NAALADL2: variants seen among roughly 807,000 people sequenced by gnomAD.
NAALADL2 encodes N-acetylated alpha-linked acidic dipeptidase like 2, also known as inactive N-acetylated-alpha-linked acidic dipeptidase-like protein 2.
Under a neutral mutation model 87.2 loss-of-function variants are expected in NAALADL2, and 76 were observed. That is an observed-to-expected ratio of 0.87 (90% CI 0.72 to 1.05). The LOEUF is 1.05. NAALADL2 is among the 50% of genes least tolerant of loss of function. NAALADL2 has a pLI of 0.00. For missense variants in NAALADL2, 1,089 were observed against 945.8 expected, an observed-to-expected ratio of 1.15 and a Z score of -1.99; for synonymous variants, 354 against 331.0, an observed-to-expected ratio of 1.07 and a Z score of -0.75.
At chr3:175,652,919 T>C (rs1432540612) in intron 11 of NAALADL2, among the ~76,000 whole-genome samples, 7 of 152,274 alleles carry the variant, frequency 4.6e-5, no homozygotes, top group African/African-American at 1.2e-4. Context: ...AAAACTTAAC[T>C]ACTAATAGCC....
At chr3:175,457,921 T>C (rs940843734) in intron 6 of NAALADL2, among the ~76,000 whole-genome samples, 1 of 152,106 alleles carries the variant, frequency 6.6e-6, no homozygotes, top group Non-Finnish European at 1.5e-5. Context: ...CATGCCAGTA[T>C]TGAGTCATTA....
At chr3:174,930,267 TTA>T (rs1389989354) in intron 1 of NAALADL2, among the ~76,000 whole-genome samples, 1 of 152,140 alleles carries the variant, frequency 6.6e-6, no homozygotes, top group African/African-American at 2.4e-5. Context: ...GGTTTATTTT[TTA>T]TATATATTAT....
At chr3:174,704,603 G>A (rs1208405530) in intron 2 of NAALADL2, among the ~76,000 whole-genome samples, 1 of 151,346 alleles carries the variant, frequency 6.6e-6, no homozygotes, top group East Asian at 1.9e-4. Context: ...ACCATGTGAT[G>A]GAAGATAGAT....
At chr3:175,666,477 T>C (rs553543919) in intron 11 of NAALADL2, among the ~76,000 whole-genome samples, 1 of 152,344 alleles carries the variant, frequency 6.6e-6, no homozygotes, top group South Asian at 2.1e-4. Flanking sequence ...TGTTCCACTA[T>C]GCAGGATATT....
chr3:175,049,981 A>ATT (rs11452360), intron 1 of NAALADL2, among the ~76,000 whole-genome samples: 20 of 151,958 alleles, frequency 1.3e-4, no homozygotes, highest in African/African-American at 3.9e-4. Flanking sequence ...GAGTCTGCAC[A>ATT]TTTTTTTTCC....
chr3:175,767,971 A>G (rs1748957476), intron 13 of NAALADL2, among the ~76,000 whole-genome samples: 1 of 152,236 alleles, frequency 6.6e-6, no homozygotes, highest in South Asian at 2.1e-4. Flanking sequence ...CTGCACTTCG[A>G]AAAATGTTTG....
chr3:175,192,087 T>A (rs192462259), intron 2 of NAALADL2, among the ~76,000 whole-genome samples: 176 of 152,250 alleles, frequency 1.2e-3, no homozygotes, highest in African/African-American at 4.1e-3. Flanking sequence ...ATGTTTTAAT[T>A]TCCCTTTTAT....
chr3:174,696,803 A>T (rs1729061824), intron 2 of NAALADL2, among the ~76,000 whole-genome samples: 1 of 152,076 alleles, frequency 6.6e-6, no homozygotes, highest in Non-Finnish European at 1.5e-5. Flanking sequence ...CCAGTTCATT[A>T]AAAATAATAT....
At chr3:175,293,428 A>T (rs182916184) in intron 4 of NAALADL2, among the ~76,000 whole-genome samples, 28 of 152,366 alleles carry the variant, frequency 1.8e-4, no homozygotes, top group African/African-American at 6.5e-4. Context: ...CGATATGGAA[A>T]AAAAAGATGG....
chr3:175,556,565 C>T (rs1292518593), intron 9 of NAALADL2, among the ~76,000 whole-genome samples: 1 of 152,024 alleles, frequency 6.6e-6, no homozygotes, highest in Non-Finnish European at 1.5e-5. Context: ...AGGTGGAAAG[C>T]TAGTATAGAT....
At chr3:175,534,315 T>C (rs979881768) in intron 9 of NAALADL2, among the ~76,000 whole-genome samples, 1 of 151,988 alleles carries the variant, frequency 6.6e-6, no homozygotes, top group African/African-American at 2.4e-5. Flanking sequence ...TTATTAAGTA[T>C]TAACTCACAC....
chr3:175,296,154 C>T (rs61214934), intron 4 of NAALADL2, among the ~76,000 whole-genome samples: 35,918 of 70,032 alleles, frequency 0.51, 6,829 homozygotes, highest in African/African-American at 0.65. Flanking sequence ...CTTAAATCAA[C>T]GGCCCACCAC....
chr3:174,751,604 A>G (rs943901951), intron 3 of NAALADL2, among the ~76,000 whole-genome samples: 3 of 150,404 alleles, frequency 2.0e-5, no homozygotes, highest in African/African-American at 4.9e-5. Context: ...CTGAGGTTGC[A>G]GTGAGCCGAG....
At chr3:175,590,005 G>A (rs960962280) in intron 10 of NAALADL2, among the ~76,000 whole-genome samples, 1 of 151,988 alleles carries the variant, frequency 6.6e-6, no homozygotes, top group Non-Finnish European at 1.5e-5. Context: ...GAGGTCAGGA[G>A]ATCGAGACCA....
intron 1 of NAALADL2, among the ~76,000 whole-genome samples, chr3:174,984,479 G>A (rs769262992): frequency 1.3e-5 from 2 of 152,044 alleles, no homozygotes; most frequent in East Asian, 3.9e-4. Context: ...TCTAGTAACA[G>A]CAGCATTCGC....
At chr3:175,642,992 C>T (rs1729507041) in intron 11 of NAALADL2, among the ~76,000 whole-genome samples, 1 of 152,122 alleles carries the variant, frequency 6.6e-6, no homozygotes, top group Non-Finnish European at 1.5e-5. Context: ...AGATAATGCA[C>T]ATCTCTGAAA....
chr3:175,384,333 G>C (rs1411605774), intron 5 of NAALADL2, among the ~76,000 whole-genome samples: 1 of 151,958 alleles, frequency 6.6e-6, no homozygotes, highest in African/African-American at 2.4e-5. Context: ...AGATTTCACT[G>C]ATGACACAGA....
At chr3:175,468,779 A>T (rs1001733172) in intron 8 of NAALADL2, among the ~76,000 whole-genome samples, 4 of 152,078 alleles carry the variant, frequency 2.6e-5, no homozygotes, top group Non-Finnish European at 5.9e-5. Flanking sequence ...AAATTTTATT[A>T]AAAAGTTTAG....
At chr3:175,638,875 CA>C (rs1490046915) in intron 11 of NAALADL2, among the ~76,000 whole-genome samples, 1 of 152,124 alleles carries the variant, frequency 6.6e-6, no homozygotes, top group Non-Finnish European at 1.5e-5. Context: ...TTGACCCTGC[CA>C]ACGTCCAACA....
Sources: allele counts gnomAD v4.1 joint callset (sites outside exome capture counted in the v4.1 genomes callset), GRCh38; gene constraint gnomAD v4.1.1; transcripts MANE v1.5; gene names NCBI Gene and HGNC (gene_info 2026-07-23, HGNC 2026-07-21).